The following PSD3 variants were observed in gnomAD, a reference collection of about 807,000 sequenced individuals.
PSD3 encodes PH and SEC7 domain-containing protein 3.
Under a neutral mutation model 105.5 loss-of-function variants are expected in PSD3, and 49 were observed. The ratio of observed to expected loss-of-function variants is 0.46; its 90% CI spans 0.37 to 0.59. The LOEUF is 0.59. Ranked by LOEUF, PSD3 falls within the 20% of genes least tolerant of loss-of-function variation. PSD3 has a pLI of 0.00. For missense variants in PSD3, 1,561 were observed against 1,263.8 expected (o/e 1.24, Z -3.57); for synonymous variants, 557 against 457.8 (o/e 1.22, Z -2.77).
chr8:18,842,181 T>A (rs187295544), intron 4 of PSD3, among the ~76,000 whole-genome samples: 1 of 152,302 alleles, frequency 6.6e-6, no homozygotes, highest in African/African-American at 2.4e-5. Context: ...CAACTAGCAT[T>A]TGGCCCACAG....
At position 18,561,269 on chromosome 8, in the gene PSD3, T is replaced by A. The variant is rs572429103; in HGVS notation, c.2785-4917A>T. ...ATGGATAAGGAAAATGTGGTATATA[T>A]ACACAATGGAGTATTATTTATTCAC... On this transcript the variant is annotated intron_variant, in intron 14 of 15. Coordinates refer to ENST00000327040, the MANE Select transcript of PSD3 (RefSeq NM_015310.4). 2.0e-5 allele frequency among the ~76,000 whole-genome samples: 3 copies of A among 152,302 alleles called. No homozygotes were observed. The South Asian group carries it at 6.2e-4, about 32-fold the overall frequency.
At chr8:19,047,691 C>T (rs1345177644) in intron 1 of PSD3, among the ~76,000 whole-genome samples, 2 of 152,238 alleles carry the variant, frequency 1.3e-5, no homozygotes, top group African/African-American at 4.8e-5. Flanking sequence ...TGGCACAACA[C>T]GGGCACTCAG....
At chr8:18,623,269 T>C (rs1054096552) in intron 11 of PSD3, among the ~76,000 whole-genome samples, 2 of 151,920 alleles carry the variant, frequency 1.3e-5, no homozygotes, top group African/African-American at 2.4e-5. Context: ...AACATCCTTA[T>C]ATGTTTCTAA....
chr8:18,752,643 ATATATATAATATAT>A lies in PSD3; in HGVS notation c.2172+12792_2172+12805del, dbSNP rs1420723926. 6.2e-5 allele frequency among the ~76,000 whole-genome samples: 5 copies of A among 80,908 alleles called. No individual in the cohort carries two copies. The Admixed American group carries it at 7.4e-4, about 12-fold the overall frequency. 53.1% of individuals were successfully genotyped at this position (80,908 alleles called of 152,430 possible). ...ATATATATTATATATAATATATATA[ATATATATAATATAT>A]TATATTTGATATATATCAAATATAT... On this transcript the variant is annotated intron_variant, in intron 9 of 15. Transcript: ENST00000327040.
At chr8:18,640,885 T>C (rs894064259) in intron 10 of PSD3, among the ~76,000 whole-genome samples, 7 of 152,174 alleles carry the variant, frequency 4.6e-5, no homozygotes, top group African/African-American at 1.7e-4. Flanking sequence ...GCTCTATCCC[T>C]TTTGCCTTAC....
chr8:18,699,723 T>C (rs1192900934), intron 9 of PSD3, among the ~76,000 whole-genome samples: 1 of 150,770 alleles, frequency 6.6e-6, no homozygotes, highest in East Asian at 1.9e-4. Context: ...TATAAACTTT[T>C]GGATAGGCAT....
intron 9 of PSD3, among the ~76,000 whole-genome samples, chr8:18,676,635 C>A (rs186001974): frequency 6.6e-6 from 1 of 152,200 alleles, no homozygotes. Context: ...GCCAGACCAG[C>A]GAGGAGCCCA....
intron 1 of PSD3, among the ~76,000 whole-genome samples, chr8:18,953,940 C>A (rs1823399925): frequency 6.6e-6 from 1 of 151,956 alleles, no homozygotes; most frequent in Non-Finnish European, 1.5e-5. Flanking sequence ...GTATACACTC[C>A]TCACACACAT....
At chr8:18,927,563 T>A (rs916538525) in intron 2 of PSD3, among the ~76,000 whole-genome samples, 1 of 152,206 alleles carries the variant, frequency 6.6e-6, no homozygotes, top group Non-Finnish European at 1.5e-5. Flanking sequence ...GACTAAATCA[T>A]TGGCCAACTT....
chr8:19,009,261 C>G (rs375126024), intron 1 of PSD3, among the ~76,000 whole-genome samples: 242 of 150,450 alleles, frequency 1.6e-3, no homozygotes, highest in African/African-American at 5.7e-3. Context: ...ATCCAATATT[C>G]AGATTCCAAG....
chr8:19,006,590 T>C (rs1158709919), intron 1 of PSD3, among the ~76,000 whole-genome samples: 1 of 152,072 alleles, frequency 6.6e-6, no homozygotes, highest in African/African-American at 2.4e-5. Flanking sequence ...TCCTGGAGCC[T>C]GCGAATGTGA....
At chr8:18,565,959 C>T (rs2634435) in intron 14 of PSD3, among the ~76,000 whole-genome samples, 57,319 of 151,810 alleles carry the variant, frequency 0.38, 10,832 homozygotes, top group East Asian at 0.51. Flanking sequence ...AAAGAATTAT[C>T]CACACCAAAA....
At chr8:18,567,664 T>C (rs1458888597) in intron 14 of PSD3, among the ~76,000 whole-genome samples, 1 of 152,218 alleles carries the variant, frequency 6.6e-6, no homozygotes, top group Non-Finnish European at 1.5e-5. Flanking sequence ...TTCTTACTAC[T>C]AGTCTTTCTG....
At chr8:18,688,831 C>T (rs367698524) in intron 9 of PSD3, among the ~76,000 whole-genome samples, 1 of 152,320 alleles carries the variant, frequency 6.6e-6, no homozygotes, top group African/African-American at 2.4e-5. Context: ...TGTACAGAGA[C>T]AGCCGAGCCG....
In PSD3 at chr8:19,013,570, C is replaced by G. The variant is rs1360807777; in HGVS notation, c.14G>C (p.Ser5Thr). 1.9e-6 allele frequency: 3 copies of G among 1,548,614 alleles called. No individual in the cohort carries two copies. The highest frequency in any genetic ancestry group is 1.2e-5 in the South Asian group (1 of 86,566). ...CCCGGCCCCGGAGCTCACCGCTGCG[C>G]TCCTTCCTTCCATCTTCCATCGCCA... MEGR[S>T]AAAETFVWVN... The change falls in exon 1 of 16, where the codon AGC becomes ACC. Residue 5 changes from serine to threonine, a missense_variant. Ser to Thr is a moderately conservative substitution (Grantham distance 58, BLOSUM62 1). Transcript: ENST00000327040.
chr8:18,694,917 A>G (rs1333073862), intron 9 of PSD3, among the ~76,000 whole-genome samples: 1 of 152,206 alleles, frequency 6.6e-6, no homozygotes, highest in African/African-American at 2.4e-5. Context: ...GAGGAAAATT[A>G]TAGCATAAAA....
intron 4 of PSD3, among the ~76,000 whole-genome samples, chr8:18,806,204 G>C (rs887093271): frequency 3.3e-5 from 5 of 152,188 alleles, no homozygotes; most frequent in African/African-American, 9.6e-5. Flanking sequence ...ATGACTAGAA[G>C]AGTTTGGTGC....
At chr8:18,904,757 G>T (rs552316804) in intron 2 of PSD3, among the ~76,000 whole-genome samples, 3 of 152,252 alleles carry the variant, frequency 2.0e-5, no homozygotes, top group Non-Finnish European at 4.4e-5. Flanking sequence ...GGGCCATAAG[G>T]TCTCTACATA....
At chr8:18,780,334 T>C (rs889288791) in intron 8 of PSD3, among the ~76,000 whole-genome samples, 5 of 107,368 alleles carry the variant, frequency 4.7e-5, no homozygotes, top group Non-Finnish European at 9.2e-5. Flanking sequence ...TTATAGGCAG[T>C]ATATAGTTAA....
Sources: allele counts gnomAD v4.1 joint callset (sites outside exome capture counted in the v4.1 genomes callset), GRCh38; gene constraint gnomAD v4.1.1; transcripts MANE v1.5; gene names NCBI Gene and HGNC (gene_info 2026-07-23, HGNC 2026-07-21).